LUC7L2: variants seen among roughly 807,000 people sequenced by gnomAD.
LUC7L2 encodes the protein putative RNA-binding protein Luc7-like 2.
In LUC7L2, 25 loss-of-function variants were observed where a neutral mutation model predicts 52.8. That is an observed-to-expected ratio of 0.47 (90% confidence interval 0.34 to 0.66). The LOEUF is 0.66. LUC7L2 is among the 30% of genes least tolerant of loss of function. LUC7L2 has a pLI of 0.01. For synonymous variants in LUC7L2, 144 were observed against 160.9 expected, an observed-to-expected ratio of 0.89 and a Z score of 0.80; for missense variants, 328 against 497.8, an observed-to-expected ratio of 0.66 and a Z score of 3.25.
chr7:139,390,350 T>C (rs1468129787), intron 2 of LUC7L2, among the ~76,000 whole-genome samples: 1 of 151,442 alleles, frequency 6.6e-6, no homozygotes, highest in Non-Finnish European at 1.5e-5. Flanking sequence ...AACCTCTGCC[T>C]CCTGGGTTCA....
intron 1 of LUC7L2, chr7:139,346,398 A>G (rs1257063966): frequency 2.0e-5 from 3 of 152,172 alleles, no homozygotes; most frequent in East Asian, 1.9e-4. Context: ...CTTTCCAGAT[A>G]TTTCCTACAC....
At chr7:139,402,039 T>C (rs570267554) in intron 3 of LUC7L2, 98 bp from the exon 4 acceptor site, 2 of 1,295,910 alleles carry the variant, frequency 1.5e-6, no homozygotes, top group South Asian at 3.2e-5. Context: ...TGCCCCACCA[T>C]GGTAGCATTT....
intron 2 of LUC7L2, among the ~76,000 whole-genome samples, chr7:139,387,415 G>A (rs1009205227): frequency 6.6e-6 from 1 of 151,918 alleles, no homozygotes; most frequent in African/African-American, 2.4e-5. Flanking sequence ...GGCTGGTCTT[G>A]AACTCCTGCT....
intron 2 of LUC7L2, among the ~76,000 whole-genome samples, chr7:139,383,360 C>T (rs568045306): frequency 5.0e-4 from 76 of 151,912 alleles, no homozygotes; most frequent in Admixed American, 1.9e-3. Flanking sequence ...TCAGGTGATC[C>T]GCCCATCTCG....
intron 2 of LUC7L2, among the ~76,000 whole-genome samples, chr7:139,396,465 A>G (rs1377260776): frequency 1.3e-5 from 2 of 152,170 alleles, no homozygotes; most frequent in African/African-American, 4.8e-5. Flanking sequence ...AAAAGTATTC[A>G]GAGAGTTGAA....
chr7:139,360,154 G>T lies in LUC7L2; in HGVS notation c.-108G>T. ...TTCCGCACGCCTCGAGGCGGCGGCG[G>T]CCACCGAGACAGCAGCGCACCTTCC... On this transcript the variant is annotated 5_prime_UTR_variant, in exon 1 of 10. Transcript: ENST00000354926. 1.3e-6 allele frequency: 1 copy of T among 764,636 alleles called. No homozygotes were observed. The highest frequency in any genetic ancestry group is 2.0e-6 in the Non-Finnish European group (1 of 500,140). The allele number at this position is 764,636 out of a possible 1,614,324, so 47.4% of individuals were successfully genotyped here. A position where few individuals can be genotyped will look rare whatever the true frequency, so the allele number is the denominator to read the frequency against.
intron 1 of LUC7L2, among the ~76,000 whole-genome samples, chr7:139,365,456 G>A (rs1401889051): frequency 1.3e-5 from 2 of 152,130 alleles, no homozygotes; most frequent in African/African-American, 2.4e-5. Context: ...AGTGTTCAAC[G>A]TGTTCAAGAT....
chr7:139,422,548 C>A lies in LUC7L2; in HGVS notation c.*208C>A. On this transcript the variant is annotated 3_prime_UTR_variant, in exon 10 of 10. Transcript: ENST00000354926. Reference sequence around the variant, plus strand: ...CATAGTTTCTGGTGAACCTGTAATACAGTTCTGAAAGTACAGTTTTATATA... The same window carrying A: ...CATAGTTTCTGGTGAACCTGTAATAAAGTTCTGAAAGTACAGTTTTATATA... The A allele has an allele frequency of 6.6e-6, 7 of 1,065,810 alleles. No individual in the cohort carries two copies. The highest frequency in any genetic ancestry group is 8.5e-6 in the Non-Finnish European group (7 of 819,708). 66.0% of individuals were successfully genotyped at this position (1,065,810 alleles called of 1,614,324 possible).
chr7:139,404,615 A>G (rs560455876), intron 4 of LUC7L2, among the ~76,000 whole-genome samples: 264 of 152,356 alleles, frequency 1.7e-3, no homozygotes, highest in South Asian at 5.8e-3. Context: ...TGTATGTTTT[A>G]TGTGCCATTA....
chr7:139,349,406 C>T (rs746101807), intron 1 of LUC7L2, among the ~76,000 whole-genome samples: 4 of 152,048 alleles, frequency 2.6e-5, no homozygotes, highest in South Asian at 2.1e-4. Flanking sequence ...TATTCATAGT[C>T]GCACCATCAA....
chr7:139,388,811 G>A (rs1794311773), intron 2 of LUC7L2, among the ~76,000 whole-genome samples: 1 of 151,934 alleles, frequency 6.6e-6, no homozygotes, highest in Non-Finnish European at 1.5e-5. Flanking sequence ...AAACCCTGAA[G>A]AGACTCCTGA....
At chr7:139,420,687 T>C (rs1327174107) in intron 9 of LUC7L2, among the ~76,000 whole-genome samples, 1 of 152,220 alleles carries the variant, frequency 6.6e-6, no homozygotes, top group Non-Finnish European at 1.5e-5. Flanking sequence ...TGGGACTGTT[T>C]GGCATCTAGT....
intron 2 of LUC7L2, among the ~76,000 whole-genome samples, chr7:139,390,976 T>C (rs1465758482): frequency 1.3e-5 from 2 of 152,240 alleles, no homozygotes; most frequent in Admixed American, 1.3e-4. Flanking sequence ...TCTTTCACTC[T>C]CCTTGTGTAA....
At chr7:139,383,175 G>A (rs533515987) in intron 2 of LUC7L2, among the ~76,000 whole-genome samples, 1 of 152,162 alleles carries the variant, frequency 6.6e-6, no homozygotes, top group South Asian at 2.1e-4. Context: ...GAGTGCAGTG[G>A]CACGATCTTG....
At chr7:139,386,251 C>T (rs1274831109) in intron 2 of LUC7L2, among the ~76,000 whole-genome samples, 1 of 152,082 alleles carries the variant, frequency 6.6e-6, no homozygotes, top group African/African-American at 2.4e-5. Flanking sequence ...ATCCACCTGC[C>T]TTGACCTCTC....
intron 2 of LUC7L2, among the ~76,000 whole-genome samples, chr7:139,382,845 A>G (rs997840949): frequency 5.9e-5 from 9 of 152,000 alleles, no homozygotes; most frequent in Middle Eastern, 3.4e-3. Context: ...CCTTTTTCTT[A>G]TTGCTTCCCT....
At chr7:139,366,901 T>G (rs1276161023) in intron 1 of LUC7L2, among the ~76,000 whole-genome samples, 3 of 152,236 alleles carry the variant, frequency 2.0e-5, no homozygotes, top group Non-Finnish European at 4.4e-5. Flanking sequence ...CTGATACACA[T>G]TAAAAGTTTG....
intron 1 of LUC7L2, among the ~76,000 whole-genome samples, chr7:139,364,176 G>A (rs1800025448): frequency 6.6e-6 from 1 of 151,690 alleles, no homozygotes; most frequent in African/African-American, 2.4e-5. Context: ...GTAGAGATGG[G>A]GTTTCTCCAT....
chr7:139,390,853 G>T (rs567516545), intron 2 of LUC7L2, among the ~76,000 whole-genome samples: 1 of 152,178 alleles, frequency 6.6e-6, no homozygotes, highest in Non-Finnish European at 1.5e-5. Context: ...ACCATGCCGG[G>T]CCTAGACAAT....
Sources: gnomAD v4.1 joint callset for allele counts (sites outside exome capture counted in the v4.1 genomes callset) on GRCh38, gnomAD v4.1.1 for gene constraint, MANE v1.5 for transcripts, NCBI Gene and HGNC (gene_info 2026-07-23, HGNC 2026-07-21) for gene names.